CDH22: variants seen among roughly 807,000 people sequenced by gnomAD.
CDH22 encodes cadherin 22.
A neutral mutation model predicts 58.4 loss-of-function variants in CDH22; 30 were observed. The observed-to-expected ratio is 0.51, with a 90% CI of 0.38 to 0.70. The LOEUF is 0.70. CDH22 is among the 30% of genes least tolerant of loss of function. The probability of loss-of-function intolerance (pLI) is 0.00; values close to 1 mark genes in which losing one functional copy is unlikely to be tolerated. For missense variants in CDH22, 1,014 were observed against 1,233.9 expected (o/e 0.82, Z 2.67); for synonymous variants, 513 against 558.2 (o/e 0.92, Z 1.14).
chr20:46,264,012 G>A (rs2086446716), intron 1 of CDH22, among the ~76,000 whole-genome samples: 2 of 152,142 alleles, frequency 1.3e-5, no homozygotes, highest in African/African-American at 4.8e-5. Flanking sequence ...GAATATTTAG[G>A]AAGCAAAATG....
intron 1 of CDH22, among the ~76,000 whole-genome samples, chr20:46,267,683 C>T (rs2086467594): frequency 6.6e-5 from 10 of 152,256 alleles, no homozygotes; most frequent in Admixed American, 6.5e-4. Flanking sequence ...CCCCTGACAC[C>T]ATGTGTGACC....
chr20:46,239,985 T>C (rs2086278717), intron 3 of CDH22, among the ~76,000 whole-genome samples: 1 of 152,242 alleles, frequency 6.6e-6, no homozygotes, highest in Admixed American at 6.5e-5. Flanking sequence ...TGTGTGCACT[T>C]CACTTTCTAT....
chr20:46,283,303 A>T (rs972280480), intron 1 of CDH22, among the ~76,000 whole-genome samples: 1 of 152,160 alleles, frequency 6.6e-6, no homozygotes, highest in Non-Finnish European at 1.5e-5. Context: ...TGGACAGGAC[A>T]TGAGCTCCAG....
At chr20:46,240,065 G>A (rs1426690884) in intron 3 of CDH22, among the ~76,000 whole-genome samples, 2 of 151,946 alleles carry the variant, frequency 1.3e-5, no homozygotes, top group African/African-American at 4.8e-5. Context: ...CTGAATCTGT[G>A]TCTGGGGGCT....
chr20:46,299,140 T>C (rs1297083597), intron 1 of CDH22, among the ~76,000 whole-genome samples: 1 of 152,232 alleles, frequency 6.6e-6, no homozygotes, highest in Non-Finnish European at 1.5e-5. Context: ...CAGCTGCACC[T>C]TCCCTTTCTG....
Position 46,181,748 on chromosome 20 carries a change from CTTCCTTCTTTCT to C in CDH22, c.1664-3563_1664-3552del, listed in dbSNP as rs1459477655. 2.7e-4 allele frequency among the ~76,000 whole-genome samples: 7 copies of C among 26,314 alleles called. No homozygotes were observed. The East Asian group carries it at 6.1e-3, about 23-fold the overall frequency. The allele number at this position is 26,314 out of a possible 152,430, so 17.3% of individuals were successfully genotyped here. A position where few individuals can be genotyped will look rare whatever the true frequency, so the allele number is the denominator to read the frequency against. ...CCTTCCTTCCTTCCTTCCTTCCTTC[CTTCCTTCTTTCT>C]TTCTTTCTTTCTTTCTTTCTTTCTT... On this transcript the variant is annotated intron_variant, in intron 10 of 11. Coordinates refer to ENST00000537909, the MANE Select transcript of CDH22 (RefSeq NM_021248.3).
chr20:46,236,112 A>G (rs886932417), intron 3 of CDH22, among the ~76,000 whole-genome samples: 2 of 152,102 alleles, frequency 1.3e-5, no homozygotes, highest in Non-Finnish European at 2.9e-5. Flanking sequence ...TCTGCCTGGA[A>G]CATTCTTCTT....
chr20:46,191,024 C>T (rs897641872), intron 8 of CDH22, among the ~76,000 whole-genome samples: 8 of 152,164 alleles, frequency 5.3e-5, no homozygotes, highest in Admixed American at 2.6e-4. Flanking sequence ...GTGGATCAAG[C>T]ATCTCCTTTG....
intron 7 of CDH22, among the ~76,000 whole-genome samples, chr20:46,206,179 A>G (rs2086000902): frequency 6.6e-6 from 1 of 152,154 alleles, no homozygotes; most frequent in South Asian, 2.1e-4. Flanking sequence ...TAGGAACTGC[A>G]CTAACCACAA....
chr20:46,265,775 C>T (rs570659430), intron 1 of CDH22, among the ~76,000 whole-genome samples: 1 of 152,252 alleles, frequency 6.6e-6, no homozygotes, highest in Admixed American at 6.5e-5. Flanking sequence ...ATCCATTCAT[C>T]CATTCTCCTT....
intron 5 of CDH22, among the ~76,000 whole-genome samples, chr20:46,215,859 G>C (rs2086080818): frequency 1.3e-5 from 2 of 152,232 alleles, no homozygotes; most frequent in African/African-American, 4.8e-5. Context: ...CTGCCTTCAG[G>C]GGCTGGGGCT....
intron 7 of CDH22, among the ~76,000 whole-genome samples, chr20:46,200,130 C>CGG (rs1304963689): frequency 6.6e-6 from 1 of 151,982 alleles, no homozygotes; most frequent in African/African-American, 2.4e-5. Flanking sequence ...CCCGCCACCA[C>CGG]GCCCGGCTAA....
At chr20:46,239,028 C>G (rs947933406) in intron 3 of CDH22, among the ~76,000 whole-genome samples, 1 of 152,230 alleles carries the variant, frequency 6.6e-6, no homozygotes, top group Non-Finnish European at 1.5e-5. Flanking sequence ...GCCATTCCCT[C>G]CGCCTGGAAT....
rs1395385042 is a variant in CDH22, at chr20:46,174,498, G to T, written c.*8C>A. 3.4e-6 allele frequency: 5 copies of T among 1,482,074 alleles called. No individual in the cohort carries two copies. Among genetic ancestry groups the T allele is most frequent in the Non-Finnish European group, 4.5e-6 (5 of 1,122,934 alleles). The allele number at this position is 1,482,074 out of a possible 1,614,324, so 91.8% of individuals were successfully genotyped here. A position where few individuals can be genotyped will look rare whatever the true frequency, so the allele number is the denominator to read the frequency against. ...TGAGCAGCCGCGCCCCGACGGCAGGGCGAGGGGCTAGGAGGCCTGGGCCTC... is the reference window on the plus strand; with the variant it reads ...TGAGCAGCCGCGCCCCGACGGCAGGTCGAGGGGCTAGGAGGCCTGGGCCTC... On this transcript the variant is annotated 3_prime_UTR_variant, in exon 12 of 12. Transcript: ENST00000537909. The surrounding 1 kb of genome is among the most constrained non-coding windows in gnomAD (Gnocchi z 4.4).
chr20:46,260,078 A>C (rs2086425856), intron 1 of CDH22, among the ~76,000 whole-genome samples: 1 of 152,252 alleles, frequency 6.6e-6, no homozygotes, highest in African/African-American at 2.4e-5. Flanking sequence ...TAATTGATTT[A>C]GAAAGTATTA....
chr20:46,268,973 C>G (rs1337393120), intron 1 of CDH22, among the ~76,000 whole-genome samples: 1 of 152,172 alleles, frequency 6.6e-6, no homozygotes, highest in Non-Finnish European at 1.5e-5. Context: ...AGATCTCAGC[C>G]CCTGCTTACA....
intron 10 of CDH22, among the ~76,000 whole-genome samples, chr20:46,181,756 T>TTCGTTCCTTCC (rs1410990843): frequency 7.2e-5 from 2 of 27,682 alleles, no homozygotes; most frequent in African/African-American, 3.1e-4. Context: ...TCCTTCCTTC[T>TTCGTTCCTTCC]TTCTTTCTTT....
intron 3 of CDH22, among the ~76,000 whole-genome samples, chr20:46,234,209 G>T (rs1456537586): frequency 2.0e-5 from 3 of 152,200 alleles, no homozygotes; most frequent in African/African-American, 7.2e-5. Context: ...CCAGGAGGCT[G>T]AAATGATATT....
chr20:46,199,470 C>T lies in CDH22; in HGVS notation c.1376G>A (p.Arg459His), dbSNP rs761130292. Residue 459 changes from arginine to histidine, a missense_variant, in exon 8 of 12, where the codon CGC becomes CAC. By Grantham distance (29) the Arg-to-His change is conservative. This residue lies in a region of CDH22 where 806 missense variants were observed against 1,038.7 expected (regional missense o/e 0.78). Coordinates refer to ENST00000537909, the MANE Select transcript of CDH22 (RefSeq NM_021248.3). ...GAIVTGKGLD[R>H]ETAGWHNITV... The stretch of plus-strand genomic sequence containing the variant: ...GATGTTGTGCCAGCCGGCCGTCTCG[C>T]GGTCCAGCCCCTTGCCAGTCACGAT... 6.2e-7 allele frequency: 1 copy of T among 1,613,812 alleles called. No homozygotes were observed. Among genetic ancestry groups the T allele is most frequent in the Non-Finnish European group, 8.5e-7 (1 of 1,180,008 alleles).
Sources: gnomAD v4.1 joint callset for allele counts (sites outside exome capture counted in the v4.1 genomes callset) on GRCh38, gnomAD v4.1.1 for gene constraint, gnomAD v4.1.1 regional missense constraint, Gnocchi (gnomAD v3.1) non-coding constraint, MANE v1.5 for transcripts, NCBI Gene and HGNC (gene_info 2026-07-23, HGNC 2026-07-21) for gene names.